HSF5: variants seen among roughly 807,000 people sequenced by gnomAD.
The protein encoded by HSF5 is heat shock transcription factor 5.
Under a neutral mutation model 50.8 loss-of-function variants are expected in HSF5, and 5 were observed. That is an observed-to-expected ratio of 0.10 (90% CI 0.05 to 0.21). The LOEUF is 0.21. Among genes scored for constraint, HSF5 ranks in the 10% least tolerant of loss-of-function variants. The pLI is 1.00. For synonymous variants in HSF5, 307 were observed against 307.4 expected (o/e 1.00, Z 0.02); for missense variants, 564 against 762.6 (o/e 0.74, Z 3.07).
intron 5 of HSF5, among the ~76,000 whole-genome samples, chr17:58,449,948 G>A (rs1336661387): frequency 3.4e-5 from 5 of 146,150 alleles, no homozygotes; most frequent in Admixed American, 1.4e-4. Context: ...GCGTGAACCC[G>A]GGAGACGGAG....
chr17:58,465,179 TTTC>T (rs1871059367), intron 3 of HSF5, among the ~76,000 whole-genome samples: 1 of 129,686 alleles, frequency 7.7e-6, no homozygotes, highest in East Asian at 2.2e-4. Context: ...CTTTATTTCT[TTTC>T]TTTTTTTTTT....
At chr17:58,470,709 C>T (rs1567916211) in intron 2 of HSF5, among the ~76,000 whole-genome samples, 2 of 152,100 alleles carry the variant, frequency 1.3e-5, no homozygotes, top group South Asian at 4.1e-4. Context: ...AGGCGGATCA[C>T]GAGGTCAGGA....
At chr17:58,439,366 C>T (rs913598380) in intron 5 of HSF5, among the ~76,000 whole-genome samples, 1 of 150,902 alleles carries the variant, frequency 6.6e-6, no homozygotes, top group Non-Finnish European at 1.5e-5. Context: ...TCAAAACCAG[C>T]CCTTCCATTT....
intron 2 of HSF5, among the ~76,000 whole-genome samples, chr17:58,469,479 T>C (rs1011740106): frequency 2.0e-5 from 3 of 152,202 alleles, no homozygotes; most frequent in Admixed American, 2.0e-4. Flanking sequence ...AGTACCTGTA[T>C]GAAGAAAATG....
At chr17:58,480,395 G>A in intron 1 of HSF5, 128 bp from the exon 2 acceptor site, 3 of 737,926 alleles carry the variant, frequency 4.1e-6, no homozygotes, top group South Asian at 2.1e-5. Flanking sequence ...GTTTAGGTTT[G>A]GTAAAAACAA....
At chr17:58,448,817 TTG>T (rs1974596590) in intron 5 of HSF5, among the ~76,000 whole-genome samples, 1 of 152,212 alleles carries the variant, frequency 6.6e-6, no homozygotes, top group African/African-American at 2.4e-5. Flanking sequence ...AATACTGTAA[TTG>T]TGATATATAA....
In HSF5 at chr17:58,488,081, G is replaced by GCCCCCGCAGTCCCGCCACCGC; in HGVS notation, c.173_193dup (p.Gly58_Gly64dup). 6.3e-7 allele frequency: 1 copy of GCCCCCGCAGTCCCGCCACCGC among 1,580,784 alleles called. No homozygotes were observed. The highest frequency in any genetic ancestry group is 8.6e-7 in the Non-Finnish European group (1 of 1,169,436). On this transcript the variant is annotated inframe_insertion, in exon 1 of 6. Transcript: ENST00000323777. The surrounding 1 kb of genome is among the most constrained non-coding windows in gnomAD (Gnocchi z 4.1). ...TTTGAAGAGCTCGGGCTCGGCCCCG[G>GCCCCCGCAGTCCCGCCACCGC]CCCCCGCAGTCCCGCCACCGCCCCC... is the stretch of plus-strand genomic sequence containing the variant.
At chr17:58,475,734 T>C (rs1031769115) in intron 2 of HSF5, among the ~76,000 whole-genome samples, 2 of 152,172 alleles carry the variant, frequency 1.3e-5, no homozygotes, top group Admixed American at 1.3e-4. Context: ...AATGTTTTCA[T>C]TCAGAGAAAG....
At chr17:58,475,988 A>G in intron 2 of HSF5, 2 of 324,210 alleles carry the variant, frequency 6.2e-6, no homozygotes, top group Non-Finnish European at 1.2e-5. Context: ...CATGGTGTAG[A>G]GAAAAGAGAC....
intron 3 of HSF5, among the ~76,000 whole-genome samples, chr17:58,464,482 C>T (rs576612678): frequency 5.9e-5 from 9 of 152,216 alleles, no homozygotes; most frequent in South Asian, 2.1e-4. Context: ...TGACTGTGCA[C>T]GCACACTCTC....
At chr17:58,487,679 G>T in intron 1 of HSF5, 46 bp downstream of exon 1, 1 of 1,354,800 alleles carries the variant, frequency 7.4e-7, no homozygotes, top group South Asian at 2.1e-5. Context: ...GCTCCCCGCC[G>T]CCCATGTGCC....
intron 5 of HSF5, among the ~76,000 whole-genome samples, chr17:58,444,228 C>T (rs907531629): frequency 1.3e-5 from 2 of 152,036 alleles, no homozygotes; most frequent in Admixed American, 1.3e-4. Context: ...AAAATTCATA[C>T]TAAAATTCGT....
intron 1 of HSF5, among the ~76,000 whole-genome samples, chr17:58,485,192 A>T (rs1004068575): frequency 2.2e-4 from 33 of 151,926 alleles, no homozygotes; most frequent in Non-Finnish European, 4.0e-4. Flanking sequence ...TGACCTTGTG[A>T]TCCGCCTGCC....
At chr17:58,433,911 A>ATTTTTTTTTTTTTTT (rs59043902) in intron 5 of HSF5, among the ~76,000 whole-genome samples, 1 of 109,338 alleles carries the variant, frequency 9.1e-6, no homozygotes. Context: ...GGTCAAAGGG[A>ATTTTTTTTTTTTTTT]TTTTTTTTTT....
intron 3 of HSF5, among the ~76,000 whole-genome samples, chr17:58,466,570 C>T (rs1567914974): frequency 6.6e-6 from 1 of 152,034 alleles, no homozygotes; most frequent in Non-Finnish European, 1.5e-5. Context: ...TTTTAATAAC[C>T]ATATGAGACT....
chr17:58,478,339 TG>T (rs1439999606), intron 2 of HSF5, among the ~76,000 whole-genome samples: 1 of 147,982 alleles, frequency 6.8e-6, no homozygotes, highest in Non-Finnish European at 1.5e-5. Flanking sequence ...AGCCGAGAGT[TG>T]GTGGCAGGCG....
chr17:58,430,896 T>C (rs1357693614), intron 5 of HSF5, among the ~76,000 whole-genome samples: 2 of 152,212 alleles, frequency 1.3e-5, no homozygotes, highest in Admixed American at 6.5e-5. Flanking sequence ...TATCACATTG[T>C]ATATTTACAC....
intron 4 of HSF5, 89 bp downstream of exon 4, chr17:58,462,693 A>C (rs1974808940): frequency 7.7e-7 from 1 of 1,292,524 alleles, no homozygotes; most frequent in African/African-American, 1.5e-5. Context: ...ACCCAAATAA[A>C]ATCTGAACAA....
chr17:58,473,793 T>A (rs1002104031), intron 2 of HSF5, among the ~76,000 whole-genome samples: 9 of 152,344 alleles, frequency 5.9e-5, no homozygotes, highest in South Asian at 2.1e-4. Context: ...ATTAACAATT[T>A]ATGAAATATT....
Sources: allele counts gnomAD v4.1 joint callset (sites outside exome capture counted in the v4.1 genomes callset), GRCh38; gene constraint gnomAD v4.1.1; non-coding constraint Gnocchi (gnomAD v3.1); transcripts MANE v1.5; gene names NCBI Gene and HGNC (gene_info 2026-07-23, HGNC 2026-07-21).